The following ACO1 variants were observed in gnomAD, a reference collection of about 807,000 sequenced individuals.
ACO1 encodes the protein aconitase 1.
A neutral mutation model predicts 105.1 loss-of-function variants in ACO1; 78 were observed. That is an observed-to-expected ratio of 0.74 (90% CI 0.62 to 0.90). The LOEUF (loss-of-function observed/expected upper bound fraction) is 0.90. Among genes scored for constraint, ACO1 ranks in the 40% least tolerant of loss-of-function variants. The pLI is 0.00. For synonymous variants in ACO1, 364 were observed against 397.4 expected (o/e 0.92, Z 1.00); for missense variants, 965 against 1,111.1 (o/e 0.87, Z 1.87).
chr9:32,411,300 A>T (rs977654865), intron 4 of ACO1, among the ~76,000 whole-genome samples: 1 of 152,242 alleles, frequency 6.6e-6, no homozygotes, highest in Non-Finnish European at 1.5e-5. Flanking sequence ...CAGTGGGAGA[A>T]ATAACTTTTC....
intron 9 of ACO1, among the ~76,000 whole-genome samples, chr9:32,423,958 C>G (rs1385275202): frequency 6.6e-6 from 1 of 152,272 alleles, no homozygotes; most frequent in East Asian, 1.9e-4. Flanking sequence ...TGTTTAAAGG[C>G]TAAACCATCA....
At chr9:32,392,694 T>C (rs967398673) in intron 1 of ACO1, among the ~76,000 whole-genome samples, 1 of 152,192 alleles carries the variant, frequency 6.6e-6, no homozygotes, top group African/African-American at 2.4e-5. Context: ...ACCTATCTTT[T>C]TTCCTTACCT....
chr9:32,420,957 T>C lies in ACO1; in HGVS notation c.900T>C (p.Cys300=). 2 of 1,614,154 alleles carry C rather than the reference T, an allele frequency of 1.2e-6. No individual in the cohort carries two copies. Among genetic ancestry groups the C allele is most frequent in the South Asian group, 2.2e-5 (2 of 91,086 alleles). The change falls in exon 8 of 21, where the codon TGT becomes TGC. Residue 300 remains cysteine (C), a synonymous_variant. Transcript: ENST00000309951. ...IADRATIANM[C]PEYGATAAFF... The stretch of plus-strand genomic sequence containing the variant: ...ACCGAGCTACGATTGCTAACATGTG[T>C]CCAGAGTACGGAGCAACTGCTGCCT...
At chr9:32,421,766 A>G (rs982124000) in intron 8 of ACO1, among the ~76,000 whole-genome samples, 7 of 152,186 alleles carry the variant, frequency 4.6e-5, no homozygotes, top group African/African-American at 1.7e-4. Context: ...AAGAAAAAAG[A>G]AAAGAAATGA....
At chr9:32,428,515 A>T (rs1361274063) in intron 12 of ACO1, among the ~76,000 whole-genome samples, 1 of 151,832 alleles carries the variant, frequency 6.6e-6, no homozygotes, top group Non-Finnish European at 1.5e-5. Context: ...TTTTTAATAA[A>T]CAAAAAGAGT....
chr9:32,384,986 T>C (rs1821126137), intron 1 of ACO1, among the ~76,000 whole-genome samples: 1 of 152,350 alleles, frequency 6.6e-6, no homozygotes, highest in Middle Eastern at 3.4e-3. Context: ...TCCTAGACCC[T>C]TCTTAGCCTT....
At chr9:32,440,690 G>A in intron 19 of ACO1, 103 bp downstream of exon 19, 4 of 1,444,356 alleles carry the variant, frequency 2.8e-6, no homozygotes, top group Admixed American at 4.9e-5. Flanking sequence ...TGTCAAGGAA[G>A]AGCAAGCTCA....
intron 19 of ACO1, among the ~76,000 whole-genome samples, chr9:32,444,545 T>C (rs1457751859): frequency 6.6e-6 from 1 of 152,236 alleles, no homozygotes; most frequent in Non-Finnish European, 1.5e-5. Context: ...TATCTCATTG[T>C]GGTTTTGATT....
Position 32,450,263 on chromosome 9 carries a change from G to C in ACO1, c.*152G>C. On this transcript the variant is annotated 3_prime_UTR_variant, in exon 21 of 21. Transcript: ENST00000309951. ...TGAGGGTCTGGTGCCAATCCTGTAG[G>C]CACAAAACCAGAAGTTTCTACATTC... 1 of 741,730 alleles carries C rather than the reference G, an allele frequency of 1.3e-6. No individual in the cohort carries two copies. The allele number at this position is 741,730 out of a possible 1,614,324, so 45.9% of individuals were successfully genotyped here.
In ACO1 at chr9:32,444,374, G is replaced by A. The variant is rs1822552043; in HGVS notation, c.2370+3787G>A. Among the ~76,000 whole-genome samples the A allele has an allele frequency of 2.6e-5, 4 of 152,044 alleles. 1 individual carries two copies. Among genetic ancestry groups the A allele is most frequent in the Admixed American group, 1.3e-4 (2 of 15,270 alleles). ...ATTGCTGGGTCAAATGGTATTTCTG[G>A]TTCTACATCCTTAAGGAATCGCCAC... On this transcript the variant is annotated intron_variant, in intron 19 of 20. Transcript: ENST00000309951.
intron 19 of ACO1, among the ~76,000 whole-genome samples, chr9:32,442,403 A>C (rs1452928280): frequency 6.6e-6 from 1 of 152,206 alleles, no homozygotes; most frequent in Non-Finnish European, 1.5e-5. Context: ...TGCCCTAGAT[A>C]CCAAGAGACC....
intron 12 of ACO1, 84 bp downstream of exon 12, chr9:32,427,520 T>C (rs1355181625): frequency 2.0e-5 from 30 of 1,531,632 alleles, no homozygotes; most frequent in Non-Finnish European, 2.7e-5. Context: ...GTAACAGATG[T>C]GAGATTATCT....
At chr9:32,426,027 C>A in intron 11 of ACO1, 30 bp downstream of exon 11, 1 of 1,606,842 alleles carries the variant, frequency 6.2e-7, no homozygotes, top group South Asian at 1.1e-5. Flanking sequence ...TCCTCATGGT[C>A]ATACATGTGT....
chr9:32,392,747 G>A lies in ACO1; in HGVS notation c.-23+8012G>A, dbSNP rs150206368. On this transcript the variant is annotated intron_variant, in intron 1 of 20. Transcript: ENST00000309951. ...TTTCATAACTGTTGCGGGAGGTCAG[G>A]GACCCCGAACGGAGGGACCGGCTGA... 5.2e-3 allele frequency among the ~76,000 whole-genome samples: 786 copies of A among 152,246 alleles called. 8 individuals carry two copies. The highest frequency in any genetic ancestry group is 0.018 in the African/African-American group (741 of 41,548).
intron 3 of ACO1, among the ~76,000 whole-genome samples, 181 bp from the exon 4 acceptor site, chr9:32,408,333 C>A (rs958385354): frequency 3.9e-5 from 6 of 152,168 alleles, no homozygotes; most frequent in African/African-American, 1.4e-4. Flanking sequence ...GTACTTACTA[C>A]CTATGTGATT....
At chr9:32,440,191 C>G (rs1822445224) in intron 18 of ACO1, among the ~76,000 whole-genome samples, 1 of 151,908 alleles carries the variant, frequency 6.6e-6, no homozygotes, top group Admixed American at 6.6e-5. Flanking sequence ...CAATTGAAAC[C>G]CGGGAGGTGG....
chr9:32,408,536 T>A lies in ACO1; in HGVS notation c.289T>A (p.Phe97Ile). 6.2e-7 allele frequency: 1 copy of A among 1,614,164 alleles called. No homozygotes were observed. The highest frequency in any genetic ancestry group is 8.5e-7 in the Non-Finnish European group (1 of 1,180,016). The change falls in exon 4 of 21, where the codon TTT (phenylalanine) becomes ATT (isoleucine). Residue 97 changes from phenylalanine (F) to isoleucine (I), a missense_variant. Coordinates refer to ENST00000309951, the MANE Select transcript of ACO1 (RefSeq NM_002197.3). ...DFTGVPAVVD[F>I]AAMRDAVKKL... ...TAGGGGTGTGCCCGCTGTGGTTGAC[T>A]TTGCTGCAATGCGTGATGCTGTGAA...
At chr9:32,431,930 C>T (rs1347921040) in intron 15 of ACO1, 87 bp downstream of exon 15, 13 of 1,484,626 alleles carry the variant, frequency 8.8e-6, no homozygotes, top group African/African-American at 5.6e-5. Flanking sequence ...TCAAGGCTAA[C>T]GGAAGTATAA....
intron 4 of ACO1, among the ~76,000 whole-genome samples, chr9:32,416,358 G>T (rs1821849703): frequency 6.6e-6 from 1 of 152,148 alleles, no homozygotes; most frequent in Non-Finnish European, 1.5e-5. Context: ...CTCCCAAAGT[G>T]CTGGGATTAC....
Sources: allele counts gnomAD v4.1 joint callset (sites outside exome capture counted in the v4.1 genomes callset), GRCh38; gene constraint gnomAD v4.1.1; transcripts MANE v1.5; gene names NCBI Gene and HGNC (gene_info 2026-07-23, HGNC 2026-07-21).